The following NOS1AP variants were observed in gnomAD, a reference collection of about 807,000 sequenced individuals.
NOS1AP encodes the protein carboxyl-terminal PDZ ligand of neuronal nitric oxide synthase protein.
Under a neutral mutation model 56.2 loss-of-function variants are expected in NOS1AP, and 21 were observed. The observed-to-expected ratio is 0.37, with a 90% CI of 0.26 to 0.54. NOS1AP has a LOEUF of 0.54. Among genes scored for constraint, NOS1AP ranks in the 20% least tolerant of loss-of-function variants. NOS1AP has a pLI of 0.84. For synonymous variants in NOS1AP, 270 were observed against 274.6 expected, an observed-to-expected ratio of 0.98 and a Z score of 0.17; for missense variants, 522 against 657.8, an observed-to-expected ratio of 0.79 and a Z score of 2.26.
chr1:162,242,488 G>A (rs1247678238), intron 2 of NOS1AP, among the ~76,000 whole-genome samples: 1 of 152,188 alleles, frequency 6.6e-6, no homozygotes, highest in Non-Finnish European at 1.5e-5. Context: ...CTCCAGCTGA[G>A]CTCCCAGTTG....
intron 2 of NOS1AP, among the ~76,000 whole-genome samples, chr1:162,162,474 C>T (rs557661593): frequency 6.6e-6 from 1 of 152,244 alleles, no homozygotes; most frequent in African/African-American, 2.4e-5. Flanking sequence ...TGATAACTCT[C>T]AATGTCTTTT....
At chr1:162,306,109 A>C (rs1159870030) in intron 4 of NOS1AP, among the ~76,000 whole-genome samples, 1 of 152,224 alleles carries the variant, frequency 6.6e-6, no homozygotes, top group Non-Finnish European at 1.5e-5. Flanking sequence ...AGAAAGGCTC[A>C]GAGAACAATT....
rs376367152 is a variant in NOS1AP at position 162,303,359 on chromosome 1, T to A, written c.344+2653T>A. Among the ~76,000 whole-genome samples, 4 of 152,360 alleles carry A rather than the reference T, an allele frequency of 2.6e-5. No individual in the cohort carries two copies. The East Asian group carries it at 7.7e-4, about 29-fold the overall frequency. On this transcript the variant is annotated intron_variant, in intron 4 of 9. Coordinates refer to ENST00000361897, the MANE Select transcript of NOS1AP (RefSeq NM_014697.3). ...CAACATCCAGTATTGTCAGTCCTTT[T>A]AATTTTAACTCTTCAAATATGTGTT...
chr1:162,077,165 A>G (rs925966791), intron 1 of NOS1AP, among the ~76,000 whole-genome samples: 3 of 152,176 alleles, frequency 2.0e-5, no homozygotes, highest in East Asian at 1.9e-4. Flanking sequence ...GGGACTTCCA[A>G]TGTGGCTGCA....
chr1:162,144,264 T>C (rs1368339337), intron 1 of NOS1AP, among the ~76,000 whole-genome samples: 3 of 152,262 alleles, frequency 2.0e-5, no homozygotes, highest in East Asian at 1.9e-4. Flanking sequence ...TGATTACTTA[T>C]TTCCTACTGA....
chr1:162,346,806 T>C (rs1657309773), intron 6 of NOS1AP, among the ~76,000 whole-genome samples: 1 of 152,248 alleles, frequency 6.6e-6, no homozygotes. Context: ...TACTCATTTC[T>C]ATTAAGTAGT....
intron 1 of NOS1AP, among the ~76,000 whole-genome samples, chr1:162,111,273 C>T (rs1036797824): frequency 4.6e-5 from 7 of 152,132 alleles, no homozygotes; most frequent in Admixed American, 3.3e-4. Flanking sequence ...TTGAAACTGG[C>T]TTGGTATGTT....
chr1:162,229,781 A>C (rs1175698865), intron 2 of NOS1AP, among the ~76,000 whole-genome samples: 1 of 152,198 alleles, frequency 6.6e-6, no homozygotes, highest in Admixed American at 6.5e-5. Flanking sequence ...AATGAAAAAC[A>C]TACATTTCTG....
chr1:162,269,308 T>C (rs1654515138), intron 2 of NOS1AP, among the ~76,000 whole-genome samples: 1 of 152,218 alleles, frequency 6.6e-6, no homozygotes, highest in Non-Finnish European at 1.5e-5. Context: ...AATATCCTCA[T>C]CTTAAAATTG....
At chr1:162,114,681 A>G (rs1210637392) in intron 1 of NOS1AP, among the ~76,000 whole-genome samples, 1 of 152,072 alleles carries the variant, frequency 6.6e-6, no homozygotes, top group Non-Finnish European at 1.5e-5. Context: ...TCTTTCAACA[A>G]CCTTCCTTGC....
intron 2 of NOS1AP, among the ~76,000 whole-genome samples, chr1:162,161,197 A>C (rs74892498): frequency 6.6e-6 from 1 of 152,194 alleles, no homozygotes; most frequent in East Asian, 1.9e-4. Flanking sequence ...CAAGGTCCTT[A>C]ATTTGGTCAC....
intron 4 of NOS1AP, among the ~76,000 whole-genome samples, chr1:162,304,489 T>A (rs1655755959): frequency 1.3e-5 from 2 of 152,230 alleles, no homozygotes; most frequent in Non-Finnish European, 2.9e-5. Context: ...AGTATTAGTA[T>A]CGTATGTCTT....
intron 1 of NOS1AP, among the ~76,000 whole-genome samples, chr1:162,153,438 CT>C (rs150045353): frequency 0.04 from 6,167 of 152,296 alleles, 419 homozygotes; most frequent in African/African-American, 0.14. Flanking sequence ...CAAGATTATA[CT>C]TTTGATCCAG....
At chr1:162,340,900 AATATGTGAGT>A (rs1657088033) in intron 5 of NOS1AP, among the ~76,000 whole-genome samples, 2 of 152,228 alleles carry the variant, frequency 1.3e-5, no homozygotes, top group Admixed American at 6.5e-5. Context: ...TAGATGGTTG[AATATGTGAGT>A]ATGTTGCACA....
intron 1 of NOS1AP, among the ~76,000 whole-genome samples, chr1:162,147,523 A>G (rs1012290790): frequency 3.9e-5 from 6 of 152,084 alleles, no homozygotes; most frequent in African/African-American, 1.4e-4. Context: ...TCACATTATG[A>G]TTCGTGTACC....
At chr1:162,245,939 G>T (rs1225671185) in intron 2 of NOS1AP, among the ~76,000 whole-genome samples, 1 of 152,218 alleles carries the variant, frequency 6.6e-6, no homozygotes, top group Non-Finnish European at 1.5e-5. Context: ...CCAACTGCTA[G>T]CTCCTTTAAA....
intron 6 of NOS1AP, among the ~76,000 whole-genome samples, chr1:162,348,404 G>A (rs1292567457): frequency 6.6e-6 from 1 of 152,054 alleles, no homozygotes; most frequent in Non-Finnish European, 1.5e-5. Context: ...AGGCCAGTGT[G>A]GTCACACTCC....
At chr1:162,138,066 T>C (rs1314441642) in intron 1 of NOS1AP, among the ~76,000 whole-genome samples, 1 of 152,218 alleles carries the variant, frequency 6.6e-6, no homozygotes, top group East Asian at 1.9e-4. Context: ...TTTTTAAAAA[T>C]GCATAATCTG....
intron 2 of NOS1AP, among the ~76,000 whole-genome samples, chr1:162,239,974 C>T (rs1247422872): frequency 6.6e-6 from 1 of 152,182 alleles, no homozygotes; most frequent in Non-Finnish European, 1.5e-5. Context: ...TGACTTGCTT[C>T]AGTAATGTGG....
Sources: gnomAD v4.1 joint callset for allele counts (sites outside exome capture counted in the v4.1 genomes callset) on GRCh38, gnomAD v4.1.1 for gene constraint, MANE v1.5 for transcripts, NCBI Gene and HGNC (gene_info 2026-07-23, HGNC 2026-07-21) for gene names.